The following PGM5 variants were observed in gnomAD, a reference collection of about 807,000 sequenced individuals.
PGM5 encodes the protein phosphoglucomutase-like protein 5.
A neutral mutation model predicts 59.2 loss-of-function variants in PGM5; 23 were observed. That is an observed-to-expected ratio of 0.39 (90% confidence interval 0.28 to 0.55). The LOEUF is 0.55. Among genes scored for constraint, PGM5 ranks in the 20% least tolerant of loss-of-function variants. The pLI, the probability that PGM5 is intolerant of heterozygous loss-of-function variation, is 0.66. For missense variants in PGM5, 574 were observed against 748.3 expected, an observed-to-expected ratio of 0.77 and a Z score of 2.72; for synonymous variants, 214 against 286.0, an observed-to-expected ratio of 0.75 and a Z score of 2.54.
Position 68,410,852 on chromosome 9 carries a change from C to T in PGM5, c.1043+18379C>T, listed in dbSNP as rs770253542. On this transcript the variant is annotated intron_variant, in intron 6 of 10. Transcript: ENST00000396396. The stretch of plus-strand genomic sequence containing the variant: ...AAACAACAAGGAAAAAGTTACATCT[C>T]GTATTAAAATGTCTAGAAAGGGCAG... Among the ~76,000 whole-genome samples, 6 of 152,162 alleles carry T rather than the reference C, an allele frequency of 3.9e-5. No homozygotes were observed. The South Asian group carries it at 8.3e-4, about 21-fold the overall frequency.
chr9:68,395,475 A>G (rs1822475351), intron 6 of PGM5, among the ~76,000 whole-genome samples: 1 of 152,088 alleles, frequency 6.6e-6, no homozygotes, highest in East Asian at 1.9e-4. Context: ...CTCAATTTCT[A>G]CCAAAGCCTA....
At chr9:68,449,543 G>T (rs1317141683) in intron 6 of PGM5, among the ~76,000 whole-genome samples, 1 of 152,140 alleles carries the variant, frequency 6.6e-6, no homozygotes, top group African/African-American at 2.4e-5. Context: ...ACTCACACAG[G>T]CACCTTCCCC....
intron 7 of PGM5, among the ~76,000 whole-genome samples, chr9:68,476,021 A>T (rs192787681): frequency 1.1e-3 from 173 of 152,354 alleles, no homozygotes; most frequent in African/African-American, 3.9e-3. Flanking sequence ...ACCCTGTCTC[A>T]GAAAAATCAA....
At chr9:68,473,181 A>G (rs1824049272) in intron 7 of PGM5, among the ~76,000 whole-genome samples, 1 of 152,242 alleles carries the variant, frequency 6.6e-6, no homozygotes, top group Admixed American at 6.5e-5. Flanking sequence ...ACCCCACTTT[A>G]ACCTCATAAC....
intron 10 of PGM5, among the ~76,000 whole-genome samples, chr9:68,518,244 T>C (rs1448880025): frequency 6.6e-6 from 1 of 152,228 alleles, no homozygotes; most frequent in Non-Finnish European, 1.5e-5. Context: ...CAGAGGATTA[T>C]AAATCCATGG....
chr9:68,490,643 C>T (rs1824376036), intron 9 of PGM5, among the ~76,000 whole-genome samples: 1 of 152,238 alleles, frequency 6.6e-6, no homozygotes, highest in Non-Finnish European at 1.5e-5. Flanking sequence ...GCGTGAGCCA[C>T]TGCGCCTGAC....
In PGM5 at chr9:68,482,564, AAGT is replaced by A. The variant is rs782205369; in HGVS notation, c.1296-1296_1296-1294del. Among the ~76,000 whole-genome samples, 23 of 152,278 alleles carry A rather than the reference AAGT, an allele frequency of 1.5e-4. 1 individual carries two copies. Among genetic ancestry groups the A allele is most frequent in the Non-Finnish European group, 2.4e-4 (16 of 68,022 alleles). On this transcript the variant is annotated intron_variant, in intron 8 of 10. Transcript: ENST00000396396. The stretch of plus-strand genomic sequence containing the variant: ...TGTCTTAAAGATCTTGAGTGGAAAA[AAGT>A]AGTAACAACTATTCAGAGCTTCCTT...
intron 1 of PGM5, among the ~76,000 whole-genome samples, chr9:68,362,549 T>C (rs547751292): frequency 6.6e-6 from 1 of 152,228 alleles, no homozygotes; most frequent in Non-Finnish European, 1.5e-5. Context: ...ATAGTATCTT[T>C]AAACGAATTG....
chr9:68,439,138 G>A (rs1208912214), intron 6 of PGM5, among the ~76,000 whole-genome samples: 2 of 152,000 alleles, frequency 1.3e-5, no homozygotes, highest in Non-Finnish European at 1.5e-5. Context: ...TGATGTGGGA[G>A]GATTACTTGA....
In PGM5 at chr9:68,401,347, G is replaced by A. The variant is rs576259913; in HGVS notation, c.1043+8874G>A. On this transcript the variant is annotated intron_variant, in intron 6 of 10. Transcript: ENST00000396396. ...CACTCTCCCATGAGAACTGAAAGAC[G>A]AACCTTTTTTGGAAGTCAGCTCTCT... is the stretch of plus-strand genomic sequence containing the variant. Among the ~76,000 whole-genome samples the A allele has an allele frequency of 1.7e-4, 25 of 151,202 alleles. No homozygotes were observed. The East Asian group carries it at 2.7e-3, about 17-fold the overall frequency.
At chr9:68,385,120 T>C (rs1484452405) in intron 3 of PGM5, among the ~76,000 whole-genome samples, 1 of 151,946 alleles carries the variant, frequency 6.6e-6, no homozygotes, top group Non-Finnish European at 1.5e-5. Flanking sequence ...GTCAAAAATA[T>C]TATCTTATAT....
At chr9:68,442,148 A>T (rs1554683723) in intron 6 of PGM5, among the ~76,000 whole-genome samples, 1 of 152,234 alleles carries the variant, frequency 6.6e-6, no homozygotes, top group Admixed American at 6.5e-5. Flanking sequence ...TTATAGATTA[A>T]TACAATTCCA....
intron 6 of PGM5, among the ~76,000 whole-genome samples, chr9:68,400,968 C>T (rs1221362160): frequency 6.6e-6 from 1 of 152,176 alleles, no homozygotes; most frequent in Non-Finnish European, 1.5e-5. Flanking sequence ...CATAAGGTGG[C>T]CTTCCTTTAT....
intron 9 of PGM5, among the ~76,000 whole-genome samples, chr9:68,492,305 T>C (rs1413248882): frequency 6.6e-5 from 10 of 152,178 alleles, no homozygotes; most frequent in Non-Finnish European, 1.0e-4. Context: ...TTTTGTTCCA[T>C]TGTTCCAGTT....
intron 6 of PGM5, among the ~76,000 whole-genome samples, chr9:68,418,737 G>T (rs974170796): frequency 6.6e-6 from 1 of 152,026 alleles, no homozygotes; most frequent in African/African-American, 2.4e-5. Context: ...GGCTGCGGCG[G>T]GGGTGGGAGA....
At chr9:68,383,217 A>G (rs1185281945) in intron 2 of PGM5, among the ~76,000 whole-genome samples, 2 of 151,952 alleles carry the variant, frequency 1.3e-5, no homozygotes, top group Non-Finnish European at 2.9e-5. Flanking sequence ...TGATGGTGCT[A>G]CACTCTAAGG....
At chr9:68,506,617 C>T (rs1304473067) in intron 10 of PGM5, among the ~76,000 whole-genome samples, 4 of 152,120 alleles carry the variant, frequency 2.6e-5, no homozygotes, top group Non-Finnish European at 4.4e-5. Flanking sequence ...GTTCTAAATA[C>T]ATATTGGATA....
intron 6 of PGM5, among the ~76,000 whole-genome samples, chr9:68,454,930 A>T (rs546807613): frequency 1.8e-4 from 28 of 152,346 alleles, no homozygotes; most frequent in African/African-American, 6.7e-4. Flanking sequence ...ATTAGAGCAG[A>T]ATTAGTATGG....
At chr9:68,363,892 TAAC>T (rs1314484055) in intron 1 of PGM5, among the ~76,000 whole-genome samples, 3 of 151,972 alleles carry the variant, frequency 2.0e-5, no homozygotes, top group Non-Finnish European at 4.4e-5. Flanking sequence ...AAGCACTTTG[TAAC>T]ATCGATAGCA....
Sources: gnomAD v4.1 joint callset for allele counts (sites outside exome capture counted in the v4.1 genomes callset) on GRCh38, gnomAD v4.1.1 for gene constraint, MANE v1.5 for transcripts, NCBI Gene and HGNC (gene_info 2026-07-23, HGNC 2026-07-21) for gene names.